The following CELF2 variants were observed in gnomAD, a reference collection of about 807,000 sequenced individuals.
CELF2 encodes the protein CUGBP Elav-like family member 2.
Under a neutral mutation model 62.6 loss-of-function variants are expected in CELF2, and 8 were observed. The ratio of observed to expected loss-of-function variants is 0.13; its 90% CI spans 0.07 to 0.23. The LOEUF (loss-of-function observed/expected upper bound fraction) is 0.23. Among genes scored for constraint, CELF2 ranks in the 10% least tolerant of loss-of-function variants. CELF2 has a pLI of 1.00. For synonymous variants in CELF2, 258 were observed against 250.0 expected, an observed-to-expected ratio of 1.03 and a Z score of -0.30; for missense variants, 333 against 671.0, an observed-to-expected ratio of 0.50 and a Z score of 5.56.
intron 2 of CELF2, among the ~76,000 whole-genome samples, chr10:10,961,538 A>G (rs918914817): frequency 6.6e-6 from 1 of 152,012 alleles, no homozygotes; most frequent in Non-Finnish European, 1.5e-5. Context: ...CGTGAGGTCA[A>G]GAGTAAAAGA....
intron 2 of CELF2, among the ~76,000 whole-genome samples, chr10:10,958,777 G>A (rs992672169): frequency 2.0e-5 from 3 of 152,110 alleles, no homozygotes; most frequent in African/African-American, 7.2e-5. Flanking sequence ...CCAGGAGTTT[G>A]AAGCTGCAGT....
chr10:11,099,881 C>A (rs200589632), intron 1 of CELF2, among the ~76,000 whole-genome samples: 157 of 133,726 alleles, frequency 1.2e-3, no homozygotes, highest in East Asian at 3.9e-3. Context: ...ACAACAACAA[C>A]AACAAAAAAA....
rs981344679 is a variant in CELF2 at position 11,211,569 on chromosome 10, CA to C, written c.272-5855del. 7.2e-5 allele frequency among the ~76,000 whole-genome samples: 11 copies of C among 152,088 alleles called. No individual in the cohort carries two copies. The highest frequency in any genetic ancestry group is 7.2e-4 in the Admixed American group (11 of 15,266). On this transcript the variant is annotated intron_variant, in intron 2 of 12. Transcript: ENST00000633077. The surrounding 1 kb of genome is among the most constrained non-coding windows in gnomAD (Gnocchi z 4.8). ...AACTGGTTATCTTTATATATCAGTA[CA>C]TTTTTTTTTCCTGTGAGTATTATTA...
the CELF2 span, among the ~76,000 whole-genome samples, chr10:10,760,655 A>G: frequency 6.6e-6 from 1 of 152,186 alleles, no homozygotes; most frequent in African/African-American, 2.4e-5. Context: ...TAAGCAGGGA[A>G]CTCGGGAAGA....
chr10:10,610,507 A>G, the CELF2 span, among the ~76,000 whole-genome samples: 1 of 152,200 alleles, frequency 6.6e-6, no homozygotes, highest in African/African-American at 2.4e-5. Context: ...TTGATGGTTC[A>G]TTTAAAATGA....
At chr10:10,711,711 G>A in the CELF2 span, among the ~76,000 whole-genome samples, 14 of 152,078 alleles carry the variant, frequency 9.2e-5, no homozygotes, top group South Asian at 8.3e-4. Flanking sequence ...GTGAAACTCC[G>A]TCTCTACTAA....
Position 11,247,190 on chromosome 10 carries a change from C to G in CELF2, c.355-1963C>G, listed in dbSNP as rs1287394622. On this transcript the variant is annotated intron_variant, in intron 3 of 12. Transcript: ENST00000633077. This position sits in a 1 kb window ranked among gnomAD's most constrained non-coding sequence, Gnocchi z 5.4. ...AATTTCGATCTTGTTTCCTTTGTTACTTCTTCTGTACCTGACCACATACTT... is the reference window on the plus strand; with the variant it reads ...AATTTCGATCTTGTTTCCTTTGTTAGTTCTTCTGTACCTGACCACATACTT... 6.6e-6 allele frequency among the ~76,000 whole-genome samples: 1 copy of G among 152,240 alleles called. No individual in the cohort carries two copies. Among genetic ancestry groups the G allele is most frequent in the Non-Finnish European group, 1.5e-5 (1 of 68,038 alleles).
the CELF2 span, among the ~76,000 whole-genome samples, chr10:10,671,204 C>CA: frequency 0.012 from 1,388 of 115,752 alleles, 25 homozygotes; most frequent in African/African-American, 0.03. Context: ...TTATCTGTCT[C>CA]AAAAAAAAAA....
At chr10:10,911,763 C>G (rs2063834333) in intron 1 of CELF2, among the ~76,000 whole-genome samples, 1 of 152,196 alleles carries the variant, frequency 6.6e-6, no homozygotes, top group African/African-American at 2.4e-5. Context: ...AAGTTTCGTT[C>G]CTATGAATGT....
intron 7 of CELF2, among the ~76,000 whole-genome samples, chr10:11,271,711 G>T (rs1472927364): frequency 1.2e-5 from 1 of 80,582 alleles, no homozygotes; most frequent in East Asian, 2.1e-4. Context: ...CTCAGAGAGG[G>T]TGTCTCTGTG....
chr10:10,845,916 A>C (rs938966690), intron 1 of CELF2: 2 of 155,364 alleles, frequency 1.3e-5, no homozygotes, highest in Non-Finnish European at 2.8e-5. Context: ...ACCAAGAAAA[A>C]ACCCCTCATT....
chr10:10,837,673 C>T (rs1159768886), intron 1 of CELF2, among the ~76,000 whole-genome samples: 1 of 152,156 alleles, frequency 6.6e-6, no homozygotes, highest in African/African-American at 2.4e-5. Context: ...TGGTGACATT[C>T]CCCACTCAAT....
intron 1 of CELF2, among the ~76,000 whole-genome samples, chr10:10,908,214 A>AGTTTTTTTTTTT (rs2063501269): frequency 2.4e-5 from 2 of 83,738 alleles, no homozygotes; most frequent in Non-Finnish European, 4.1e-5. Flanking sequence ...GTATGAGGGG[A>AGTTTTTTTTTTT]TTTTTTTTTT....
chr10:11,127,510 A>G (rs988837163), intron 1 of CELF2, among the ~76,000 whole-genome samples: 6 of 152,194 alleles, frequency 3.9e-5, no homozygotes, highest in East Asian at 1.9e-4. Flanking sequence ...ACTCCTGCCA[A>G]TAGTGTAAAA....
intron 1 of CELF2, among the ~76,000 whole-genome samples, chr10:11,099,976 A>C (rs1035392486): frequency 6.6e-6 from 1 of 151,650 alleles, no homozygotes; most frequent in African/African-American, 2.4e-5. Context: ...TCAGATGGGC[A>C]GATCACCTGA....
At chr10:11,034,155 C>A (rs1041028936) in intron 1 of CELF2, among the ~76,000 whole-genome samples, 1 of 152,140 alleles carries the variant, frequency 6.6e-6, no homozygotes, top group Non-Finnish European at 1.5e-5. Flanking sequence ...GTCCTGTTGA[C>A]TTTGCCTGTA....
At chr10:10,766,617 G>A in the CELF2 span, among the ~76,000 whole-genome samples, 2 of 152,230 alleles carry the variant, frequency 1.3e-5, no homozygotes, top group Non-Finnish European at 2.9e-5. Flanking sequence ...GCAGGGACTA[G>A]GTGAGCCTTG....
chr10:11,187,301 T>C (rs2075207083), intron 2 of CELF2, among the ~76,000 whole-genome samples: 1 of 152,216 alleles, frequency 6.6e-6, no homozygotes, highest in Non-Finnish European at 1.5e-5. Flanking sequence ...ATTTCTGGGA[T>C]TATCCTTTGA....
intron 2 of CELF2, among the ~76,000 whole-genome samples, chr10:11,167,976 A>C (rs954371301): frequency 1.3e-5 from 2 of 152,164 alleles, no homozygotes; most frequent in Non-Finnish European, 2.9e-5. Context: ...TTCATGGACT[A>C]CACCATTTTG....
Sources: gnomAD v4.1 joint callset for allele counts (sites outside exome capture counted in the v4.1 genomes callset) on GRCh38, gnomAD v4.1.1 for gene constraint, Gnocchi (gnomAD v3.1) non-coding constraint, MANE v1.5 for transcripts, NCBI Gene and HGNC (gene_info 2026-07-23, HGNC 2026-07-21) for gene names.